Variants in DISC1 observed in about 807,000 individuals in gnomAD.
The protein encoded by DISC1 is disrupted in schizophrenia 1 protein.
Under a neutral mutation model 84.5 loss-of-function variants are expected in DISC1, and 57 were observed. The observed-to-expected ratio is 0.67, with a 90% CI of 0.55 to 0.84. The LOEUF (loss-of-function observed/expected upper bound fraction) is 0.84, where lower values mean the gene tolerates loss of function less well. Ranked by LOEUF, DISC1 falls within the 40% of genes least tolerant of loss-of-function variation. The pLI is 0.00. For missense variants in DISC1, 1,000 were observed against 1,057.8 expected (o/e 0.95, Z 0.76); for synonymous variants, 411 against 415.2 (o/e 0.99, Z 0.12).
intron 10 of DISC1, among the ~76,000 whole-genome samples, chr1:231,983,564 G>A (rs1445770729): frequency 1.8e-5 from 2 of 108,902 alleles, no homozygotes; most frequent in Non-Finnish European, 3.8e-5. Context: ...GGGAGGTAGA[G>A]GAGTGGCAGG....
intron 1 of DISC1, among the ~76,000 whole-genome samples, chr1:231,647,639 T>G (rs1261520356): frequency 6.6e-6 from 1 of 152,238 alleles, no homozygotes; most frequent in Non-Finnish European, 1.5e-5. Context: ...AATCTATAAA[T>G]TACCTTGGGC....
intron 10 of DISC1, among the ~76,000 whole-genome samples, chr1:231,987,475 A>C (rs566840526): frequency 6.5e-4 from 99 of 152,382 alleles, no homozygotes; most frequent in Non-Finnish European, 1.2e-3. Flanking sequence ...GATCTTTTAT[A>C]TGCATAAATA....
In DISC1 at chr1:231,784,764, C is replaced by T. The variant is rs368186146; in HGVS notation, c.1635-10478C>T. On this transcript the variant is annotated intron_variant, in intron 6 of 12. Transcript: ENST00000439617. ...CAAACTCTCTGGCTTCAGCCACCAC[C>T]GAACTGGAAAGAGATAATGTGCTTT... 6.2e-4 allele frequency among the ~76,000 whole-genome samples: 95 copies of T among 152,190 alleles called. 1 individual carries two copies. In the South Asian group the frequency reaches 0.011, roughly 18 times the overall value.
At chr1:231,803,371 A>G (rs1424655215) in intron 8 of DISC1, among the ~76,000 whole-genome samples, 3 of 152,196 alleles carry the variant, frequency 2.0e-5, no homozygotes, top group Non-Finnish European at 4.4e-5. Context: ...AGCTTGAAAC[A>G]ACAAACCTTT....
chr1:231,867,282 C>T (rs566941605), intron 9 of DISC1, among the ~76,000 whole-genome samples: 1 of 152,210 alleles, frequency 6.6e-6, no homozygotes, highest in Admixed American at 6.5e-5. Context: ...TCCATGTGAT[C>T]GGAAATGAGA....
chr1:231,963,605 C>T (rs1361239675), intron 10 of DISC1, among the ~76,000 whole-genome samples: 1 of 152,104 alleles, frequency 6.6e-6, no homozygotes, highest in Non-Finnish European at 1.5e-5. Context: ...CCTGACTAAC[C>T]AAGACTGAGT....
chr1:231,756,725 C>T (rs1358151225), intron 4 of DISC1, among the ~76,000 whole-genome samples: 1 of 152,116 alleles, frequency 6.6e-6, no homozygotes, highest in Non-Finnish European at 1.5e-5. Flanking sequence ...CTGTATATGG[C>T]TTGGTGTAGT....
At chr1:231,715,653 T>C (rs2068598300) in intron 3 of DISC1, among the ~76,000 whole-genome samples, 1 of 152,236 alleles carries the variant, frequency 6.6e-6, no homozygotes, top group Admixed American at 6.5e-5. Flanking sequence ...GATTGATGAA[T>C]TCAGTTGGCA....
At chr1:231,768,318 GGT>G (rs1003814903) in intron 5 of DISC1, among the ~76,000 whole-genome samples, 4 of 152,140 alleles carry the variant, frequency 2.6e-5, no homozygotes, top group African/African-American at 9.7e-5. Context: ...TCTCTGATCT[GGT>G]CATAGAGTAT....
At chr1:231,878,854 G>GAA (rs1349138786) in intron 9 of DISC1, among the ~76,000 whole-genome samples, 1 of 152,154 alleles carries the variant, frequency 6.6e-6, no homozygotes, top group Non-Finnish European at 1.5e-5. Context: ...TGACCATTTA[G>GAA]AAACTTTATA....
Position 231,728,243 on chromosome 1 carries a change from A to G in DISC1, c.1118-21683A>G, listed in dbSNP as rs146382624. 4.6e-3 allele frequency among the ~76,000 whole-genome samples: 699 copies of G among 152,314 alleles called. 6 individuals carry two copies. Among genetic ancestry groups the G allele is most frequent in the African/African-American group, 0.016 (670 of 41,560 alleles). The stretch of plus-strand genomic sequence containing the variant: ...AATCTTTAAGATGCTAGCTTAAAGC[A>G]TTATAAAGCCAAGATTTGTTTTTTA... On this transcript the variant is annotated intron_variant, in intron 3 of 12. Transcript: ENST00000439617.
intron 9 of DISC1, among the ~76,000 whole-genome samples, chr1:231,850,411 G>T (rs2083807312): frequency 6.6e-6 from 1 of 152,242 alleles, no homozygotes. Context: ...CAATGCTAGG[G>T]CCTGAGTTGC....
At position 231,819,235 on chromosome 1, in the gene DISC1, G is replaced by A. The variant is rs145945315; in HGVS notation, c.1981+718G>A. 6.7e-4 allele frequency: 514 copies of A among 769,338 alleles called. 2 individuals carry two copies. In the African/African-American group the frequency reaches 9.1e-3, roughly 14 times the overall value. The allele number at this position is 769,338 out of a possible 1,614,324, so 47.7% of individuals were successfully genotyped here. The stretch of plus-strand genomic sequence containing the variant: ...AAAGAAATATATATATGAATAAATG[G>A]CTATATTTTACAAAGTATGCTTATT... On this transcript the variant is annotated intron_variant, in intron 9 of 12. Coordinates refer to ENST00000439617, the MANE Select transcript of DISC1 (RefSeq NM_018662.3).
intron 12 of DISC1, among the ~76,000 whole-genome samples, chr1:232,028,495 C>T (rs897424303): frequency 1.3e-5 from 2 of 152,078 alleles, no homozygotes; most frequent in African/African-American, 4.8e-5. Flanking sequence ...AAACAAGATC[C>T]TTTTAGTTTT....
At position 231,954,171 on chromosome 1, in the gene DISC1, T is replaced by C. The variant is rs1009953059; in HGVS notation, c.1982-4657T>C. ...TTTTTGGATTATTGGTTATGATGAA[T>C]ATTTATGGAAAATGTTGCTGTGCAC... On this transcript the variant is annotated intron_variant, in intron 9 of 12. Coordinates refer to ENST00000439617, the MANE Select transcript of DISC1 (RefSeq NM_018662.3). The surrounding 1 kb of genome is among the most constrained non-coding windows in gnomAD (Gnocchi z 4.8). Among the ~76,000 whole-genome samples the C allele has an allele frequency of 6.6e-6, 1 of 152,186 alleles. No individual in the cohort carries two copies. Among genetic ancestry groups the C allele is most frequent in the Admixed American group, 6.5e-5 (1 of 15,280 alleles).
chr1:231,676,966 T>C (rs2063215199), intron 1 of DISC1, among the ~76,000 whole-genome samples: 1 of 152,220 alleles, frequency 6.6e-6, no homozygotes, highest in South Asian at 2.1e-4. Flanking sequence ...TTTGAGTGTT[T>C]AGAGTGTGTG....
At chr1:231,791,135 T>C (rs1424806613) in intron 6 of DISC1, among the ~76,000 whole-genome samples, 1 of 152,248 alleles carries the variant, frequency 6.6e-6, no homozygotes, top group Non-Finnish European at 1.5e-5. Context: ...AATTTGGTCA[T>C]ATGATTGGAA....
chr1:231,826,430 C>T lies in DISC1; in HGVS notation c.1981+7913C>T, dbSNP rs771801113. Among the ~76,000 whole-genome samples the T allele has an allele frequency of 1.3e-5, 2 of 152,018 alleles. No individual in the cohort carries two copies. Among genetic ancestry groups the T allele is most frequent in the South Asian group, 2.1e-4 (1 of 4,828 alleles). ...GATGATGTTGAACATCCTGAAAAGA[C>T]GGGTATTTTTTTTTCATTTTTGAAG... On this transcript the variant is annotated intron_variant, in intron 9 of 12. Transcript: ENST00000439617. The surrounding 1 kb of genome is among the most constrained non-coding windows in gnomAD (Gnocchi z 4.2).
chr1:231,721,881 C>T (rs1458802016), intron 3 of DISC1, among the ~76,000 whole-genome samples: 2 of 152,246 alleles, frequency 1.3e-5, no homozygotes, highest in Admixed American at 6.5e-5. Flanking sequence ...TGGCTGGGCA[C>T]GGTGGCTCAC....
Sources: allele counts gnomAD v4.1 joint callset (sites outside exome capture counted in the v4.1 genomes callset), GRCh38; gene constraint gnomAD v4.1.1; non-coding constraint Gnocchi (gnomAD v3.1); transcripts MANE v1.5; gene names NCBI Gene and HGNC (gene_info 2026-07-23, HGNC 2026-07-21).